The following TNR variants were observed in gnomAD, a reference collection of about 807,000 sequenced individuals.
The protein encoded by TNR is tenascin R.
Under a neutral mutation model 150.4 loss-of-function variants are expected in TNR, and 45 were observed. The observed-to-expected ratio is 0.30, with a 90% CI of 0.24 to 0.38. TNR has a LOEUF of 0.38. Among genes scored for constraint, TNR ranks in the 10% least tolerant of loss-of-function variants. The probability of loss-of-function intolerance (pLI) is 1.00; values close to 1 mark genes in which losing one functional copy is unlikely to be tolerated. For missense variants in TNR, 1,544 were observed against 1,759.1 expected, an observed-to-expected ratio of 0.88 and a Z score of 2.19; for synonymous variants, 687 against 678.4, an observed-to-expected ratio of 1.01 and a Z score of -0.20.
chr1:175,649,140 G>A (rs1009195961), intron 1 of TNR, among the ~76,000 whole-genome samples: 4 of 152,180 alleles, frequency 2.6e-5, no homozygotes, highest in Non-Finnish European at 4.4e-5. Flanking sequence ...TGGTCAGGCC[G>A]GCGCTGCCCA....
chr1:175,441,581 G>T (rs1244882332), intron 2 of TNR, among the ~76,000 whole-genome samples: 18 of 152,114 alleles, frequency 1.2e-4, no homozygotes. Flanking sequence ...TAAAAATACA[G>T]ATACTTTCAA....
chr1:175,615,839 A>G (rs1663756624), intron 1 of TNR, among the ~76,000 whole-genome samples: 1 of 152,222 alleles, frequency 6.6e-6, no homozygotes, highest in African/African-American at 2.4e-5. Flanking sequence ...AAAACATCCC[A>G]CATCCACATA....
intron 2 of TNR, among the ~76,000 whole-genome samples, chr1:175,451,214 T>TTG (rs1656297741): frequency 1.4e-5 from 2 of 141,526 alleles, no homozygotes; most frequent in African/African-American, 5.2e-5. Flanking sequence ...GTTTTTTTTT[T>TTG]TTAATGTTTT....
chr1:175,431,857 A>AGGCAGGG (rs1291405782), intron 2 of TNR, among the ~76,000 whole-genome samples: 4 of 136,808 alleles, frequency 2.9e-5, no homozygotes, highest in African/African-American at 1.2e-4. Context: ...ACAGGGGTGG[A>AGGCAGGG]GGCAGGGGGC....
chr1:175,453,231 G>A (rs1361042469), intron 2 of TNR, among the ~76,000 whole-genome samples: 1 of 152,184 alleles, frequency 6.6e-6, no homozygotes, highest in Non-Finnish European at 1.5e-5. Flanking sequence ...AAAGTTGCAA[G>A]AATAGGGCAG....
intron 1 of TNR, among the ~76,000 whole-genome samples, chr1:175,593,676 A>C (rs1458033452): frequency 6.6e-6 from 1 of 152,162 alleles, no homozygotes. Flanking sequence ...TGTCCTTCAG[A>C]AACCCTGTCA....
intron 15 of TNR, among the ~76,000 whole-genome samples, chr1:175,359,139 CTT>C (rs758610631): frequency 9.5e-4 from 40 of 42,142 alleles, no homozygotes; most frequent in East Asian, 4.2e-3. Flanking sequence ...GGGATATCTT[CTT>C]TTTTTTTTTT....
At chr1:175,719,547 C>T (rs766384600) in intron 1 of TNR, among the ~76,000 whole-genome samples, 1 of 152,198 alleles carries the variant, frequency 6.6e-6, no homozygotes, top group East Asian at 1.9e-4. Flanking sequence ...AGTAAGTTAG[C>T]ACACATAAAG....
intron 1 of TNR, among the ~76,000 whole-genome samples, chr1:175,714,038 C>G (rs1231693084): frequency 1.3e-5 from 2 of 151,862 alleles, no homozygotes; most frequent in Non-Finnish European, 2.9e-5. Flanking sequence ...CTCTTTTCTC[C>G]CTTGTTGATT....
chr1:175,679,359 C>T (rs1371940054), intron 1 of TNR, among the ~76,000 whole-genome samples: 1 of 152,206 alleles, frequency 6.6e-6, no homozygotes, highest in Non-Finnish European at 1.5e-5. Flanking sequence ...AGATGCAAGC[C>T]CTCTGGGCCA....
chr1:175,431,518 G>A (rs929074), intron 2 of TNR, among the ~76,000 whole-genome samples: 4 of 152,164 alleles, frequency 2.6e-5, no homozygotes, highest in Non-Finnish European at 5.9e-5. Context: ...TTCTATGGGG[G>A]GTTGAACTAG....
At chr1:175,728,377 A>T (rs1667538464) in intron 1 of TNR, among the ~76,000 whole-genome samples, 1 of 152,176 alleles carries the variant, frequency 6.6e-6, no homozygotes, top group Non-Finnish European at 1.5e-5. Context: ...ATGGTCAGGG[A>T]GTGGGTGAGC....
intron 1 of TNR, among the ~76,000 whole-genome samples, chr1:175,668,979 G>C (rs1014818660): frequency 1.3e-5 from 2 of 152,182 alleles, no homozygotes; most frequent in African/African-American, 4.8e-5. Flanking sequence ...CCTCTACAAG[G>C]AGGATGATTT....
At chr1:175,456,001 G>T (rs566592450) in intron 2 of TNR, among the ~76,000 whole-genome samples, 6 of 152,340 alleles carry the variant, frequency 3.9e-5, no homozygotes, top group Non-Finnish European at 8.8e-5. Context: ...ATTGTCCTGA[G>T]CAATCAAGAT....
intron 1 of TNR, among the ~76,000 whole-genome samples, chr1:175,613,367 G>A (rs559707164): frequency 5.9e-5 from 9 of 152,222 alleles, no homozygotes; most frequent in African/African-American, 2.2e-4. Context: ...CATCACATTG[G>A]TAGCTTTAAA....
At chr1:175,371,959 C>A (rs576846048) in intron 9 of TNR, among the ~76,000 whole-genome samples, 1 of 151,862 alleles carries the variant, frequency 6.6e-6, no homozygotes, top group Admixed American at 6.6e-5. Flanking sequence ...ATTGCCATCC[C>A]CAATGTTGGT....
chr1:175,579,181 C>CTTCCTTCT (rs1558017802), intron 1 of TNR, among the ~76,000 whole-genome samples: 1 of 150,562 alleles, frequency 6.6e-6, no homozygotes, highest in Non-Finnish European at 1.5e-5. Context: ...TCCTTCCTTC[C>CTTCCTTCT]TTCCTTCCTT....
intron 1 of TNR, among the ~76,000 whole-genome samples, chr1:175,667,108 C>T (rs764221664): frequency 2.0e-4 from 31 of 152,288 alleles, no homozygotes; most frequent in Non-Finnish European, 3.7e-4. Context: ...CCTCATCCTT[C>T]TTCACCACTT....
In TNR at chr1:175,403,636, G is replaced by C. The variant is rs778291139; in HGVS notation, c.500-20C>G. ...GTTGTCCTGGAATGGTCAAGGAGAAGGTCAAAGAGCAGCAGTGGCCTCTCC... is the reference window on the plus strand; with the variant it reads ...GTTGTCCTGGAATGGTCAAGGAGAACGTCAAAGAGCAGCAGTGGCCTCTCC... On this transcript the variant is annotated intron_variant, in intron 3 of 22. Transcript: ENST00000367674. The C allele has an allele frequency of 6.3e-7, 1 of 1,591,148 alleles. No homozygotes were observed. Among genetic ancestry groups the C allele is most frequent in the Non-Finnish European group, 8.6e-7 (1 of 1,164,478 alleles).
Sources: allele counts gnomAD v4.1 joint callset (sites outside exome capture counted in the v4.1 genomes callset), GRCh38; gene constraint gnomAD v4.1.1; transcripts MANE v1.5; gene names NCBI Gene and HGNC (gene_info 2026-07-23, HGNC 2026-07-21).